The following RIMS1 variants were observed in gnomAD, a reference collection of about 807,000 sequenced individuals.
The protein encoded by RIMS1 is regulating synaptic membrane exocytosis 1.
A neutral mutation model predicts 214.1 loss-of-function variants in RIMS1; 83 were observed. The ratio of observed to expected loss-of-function variants is 0.39; its 90% CI spans 0.32 to 0.47. The LOEUF is 0.47. Ranked by LOEUF, RIMS1 falls within the 20% of genes least tolerant of loss-of-function variation. RIMS1 has a pLI of 0.99. For missense variants in RIMS1, 2,050 were observed against 2,161.8 expected, an observed-to-expected ratio of 0.95 and a Z score of 1.03; for synonymous variants, 793 against 786.8, an observed-to-expected ratio of 1.01 and a Z score of -0.13.
At chr6:72,303,157 T>C (rs899241829) in intron 26 of RIMS1, among the ~76,000 whole-genome samples, 1 of 151,060 alleles carries the variant, frequency 6.6e-6, no homozygotes, top group African/African-American at 2.4e-5. Context: ...ATTACAAATA[T>C]GTGATAAGTC....
At chr6:71,927,013 A>C (rs947996568) in intron 1 of RIMS1, among the ~76,000 whole-genome samples, 3 of 152,110 alleles carry the variant, frequency 2.0e-5, no homozygotes, top group Admixed American at 2.0e-4. Flanking sequence ...TGTTCTTTTC[A>C]CTTTGCCATA....
intron 29 of RIMS1, among the ~76,000 whole-genome samples, chr6:72,389,686 A>C (rs2098671350): frequency 6.6e-6 from 1 of 152,252 alleles, no homozygotes; most frequent in African/African-American, 2.4e-5. Context: ...TACTATACAG[A>C]AACTAAAGCG....
intron 26 of RIMS1, among the ~76,000 whole-genome samples, chr6:72,297,777 T>G (rs2094236999): frequency 6.6e-6 from 1 of 152,150 alleles, no homozygotes; most frequent in Non-Finnish European, 1.5e-5. Context: ...GTTTAGCCAC[T>G]GAACGTGGCT....
intron 1 of RIMS1, among the ~76,000 whole-genome samples, chr6:71,947,782 C>T (rs2151089709): frequency 6.6e-6 from 1 of 151,970 alleles, no homozygotes; most frequent in South Asian, 2.1e-4. Context: ...AAATATGTTA[C>T]AAACCATAAA....
chr6:72,086,938 A>G (rs1173143450), intron 2 of RIMS1, among the ~76,000 whole-genome samples: 1 of 152,192 alleles, frequency 6.6e-6, no homozygotes, highest in Non-Finnish European at 1.5e-5. Flanking sequence ...AAATAATACA[A>G]GCTAAGAATA....
intron 2 of RIMS1, among the ~76,000 whole-genome samples, chr6:72,032,805 C>A (rs1818516860): frequency 6.6e-6 from 1 of 152,118 alleles, no homozygotes; most frequent in African/African-American, 2.4e-5. Context: ...GATCTACGTG[C>A]CCTTATGAGT....
chr6:72,339,511 G>C (rs553590776), intron 29 of RIMS1, among the ~76,000 whole-genome samples: 2 of 151,166 alleles, frequency 1.3e-5, no homozygotes, highest in African/African-American at 4.9e-5. Flanking sequence ...TCAATTCCCA[G>C]CTGTGAGTGA....
chr6:72,190,933 T>G (rs565596717), intron 6 of RIMS1, among the ~76,000 whole-genome samples: 1 of 152,176 alleles, frequency 6.6e-6, no homozygotes, highest in African/African-American at 2.4e-5. Flanking sequence ...AGAAGGAGCG[T>G]AGTTATCTGC....
At chr6:72,392,592 T>G (rs2098718031) in intron 30 of RIMS1, 106 bp from the exon 31 acceptor site, 2 of 810,030 alleles carry the variant, frequency 2.5e-6, no homozygotes, top group Admixed American at 2.0e-5. Flanking sequence ...ATTGTCTAAG[T>G]AATATTTATG....
chr6:72,326,969 G>C (rs2096493354), intron 28 of RIMS1, among the ~76,000 whole-genome samples: 1 of 151,722 alleles, frequency 6.6e-6, no homozygotes, highest in Non-Finnish European at 1.5e-5. Flanking sequence ...TTTGATGACA[G>C]AGGAAGGGGC....
intron 4 of RIMS1, among the ~76,000 whole-genome samples, chr6:72,159,454 A>G (rs2044970421): frequency 7.1e-6 from 1 of 140,840 alleles, no homozygotes; most frequent in Admixed American, 7.2e-5. Flanking sequence ...TTAGACATGA[A>G]GTCCTTGCCC....
At chr6:72,138,577 C>T (rs993838668) in intron 4 of RIMS1, among the ~76,000 whole-genome samples, 1 of 151,946 alleles carries the variant, frequency 6.6e-6, no homozygotes, top group African/African-American at 2.4e-5. Context: ...TGGCTGTTGA[C>T]ATTAGTTAAA....
At chr6:72,209,825 C>A (rs1169150868) in intron 6 of RIMS1, among the ~76,000 whole-genome samples, 1 of 144,986 alleles carries the variant, frequency 6.9e-6, no homozygotes, top group Non-Finnish European at 1.5e-5. Flanking sequence ...GGCATGAACC[C>A]GGGAGGCGGA....
At chr6:71,974,121 AGGAACAG>A (rs1436144615) in intron 2 of RIMS1, among the ~76,000 whole-genome samples, 1 of 152,188 alleles carries the variant, frequency 6.6e-6, no homozygotes, top group Non-Finnish European at 1.5e-5. Flanking sequence ...GATCACCTTA[AGGAACAG>A]GGAGGAGGCA....
At chr6:72,048,675 A>G (rs1209466763) in intron 2 of RIMS1, among the ~76,000 whole-genome samples, 1 of 152,238 alleles carries the variant, frequency 6.6e-6, no homozygotes, top group African/African-American at 2.4e-5. Flanking sequence ...AAATGTAAAA[A>G]TGTTAATGAA....
At chr6:71,908,033 G>A (rs1775778078) in intron 1 of RIMS1, among the ~76,000 whole-genome samples, 1 of 152,056 alleles carries the variant, frequency 6.6e-6, no homozygotes, top group Admixed American at 6.6e-5. Flanking sequence ...ACACCACATG[G>A]CATGAAAAGT....
intron 2 of RIMS1, among the ~76,000 whole-genome samples, chr6:71,978,491 G>A (rs976657071): frequency 3.9e-5 from 6 of 151,900 alleles, no homozygotes; most frequent in African/African-American, 9.7e-5. Context: ...TTGGATACCC[G>A]TGAAGAAACT....
intron 22 of RIMS1, among the ~76,000 whole-genome samples, chr6:72,267,650 C>T (rs1283723475): frequency 1.3e-5 from 2 of 152,118 alleles, no homozygotes; most frequent in Non-Finnish European, 2.9e-5. Context: ...TGCTCATTGG[C>T]TTCATGTGGT....
chr6:72,382,528 G>C (rs2098508248), intron 29 of RIMS1, among the ~76,000 whole-genome samples: 1 of 152,234 alleles, frequency 6.6e-6, no homozygotes, highest in Non-Finnish European at 1.5e-5. Flanking sequence ...AATTGTATAT[G>C]GGTAAAATTG....
Sources: allele counts gnomAD v4.1 joint callset (sites outside exome capture counted in the v4.1 genomes callset), GRCh38; gene constraint gnomAD v4.1.1; transcripts MANE v1.5; gene names NCBI Gene and HGNC (gene_info 2026-07-23, HGNC 2026-07-21).